SLC5A5: variants seen among roughly 807,000 people sequenced by gnomAD.
SLC5A5 encodes the protein solute carrier family 5 member 5.
Under a neutral mutation model 68.6 loss-of-function variants are expected in SLC5A5, and 56 were observed. That is an observed-to-expected ratio of 0.82 (90% CI 0.66 to 1.02). The LOEUF is 1.02. SLC5A5 is among the 50% of genes least tolerant of loss of function. The probability of loss-of-function intolerance (pLI) is 0.00; values close to 1 mark genes in which losing one functional copy is unlikely to be tolerated. For missense variants in SLC5A5, 807 were observed against 859.8 expected (o/e 0.94, Z 0.77); for synonymous variants, 398 against 373.0 (o/e 1.07, Z -0.77).
rs1422002235 is a variant in SLC5A5 at position 17,880,850 on chromosome 19, C to T, written c.970-15C>T. 35 of 1,605,310 alleles carry T rather than the reference C, an allele frequency of 2.2e-5. No homozygotes were observed. The highest frequency in any genetic ancestry group is 3.0e-5 in the Non-Finnish European group (35 of 1,172,906). On this transcript the variant is annotated splice_polypyrimidine_tract_variant and intron_variant, in intron 7 of 14. Coordinates refer to ENST00000222248, the MANE Select transcript of SLC5A5 (RefSeq NM_000453.3). The stretch of plus-strand genomic sequence containing the variant: ...GGTGCAGCTGTCTGGGAGGCTGACC[C>T]CCAGTTCTCCCCAGTACATGCCTCT...
chr19:17,874,520 C>CG lies in SLC5A5; in HGVS notation c.451dup (p.Ala151GlyfsTer41), dbSNP rs754975346. 1.2e-6 allele frequency: 2 copies of CG among 1,614,036 alleles called. No homozygotes were observed. The highest frequency in any genetic ancestry group is 1.7e-6 in the Non-Finnish European group (2 of 1,180,000). ...TGCTGTACACCGGCATCGTAATCTA[C>CG]GCACCGGCCCTCATCCTGAACCAAG... On this transcript the variant is annotated frameshift_variant, in exon 3 of 15. Coordinates refer to ENST00000222248, the MANE Select transcript of SLC5A5 (RefSeq NM_000453.3).
At chr19:17,889,000 AC>A (rs58497119) in intron 13 of SLC5A5, among the ~76,000 whole-genome samples, 3,286 of 148,678 alleles carry the variant, frequency 0.022, 115 homozygotes, top group African/African-American at 0.08. Flanking sequence ...ATACATACAC[AC>A]TTTTATGTGT....
At chr19:17,889,413 A>AAGGAAGGAAGGAAGGAAG (rs2030065089) in intron 13 of SLC5A5, among the ~76,000 whole-genome samples, 22 of 137,726 alleles carry the variant, frequency 1.6e-4, no homozygotes, top group African/African-American at 6.8e-4. Flanking sequence ...AAAGAAAGAA[A>AAGGAAGGAAGGAAGGAAG]GAAGGAAGGA....
At chr19:17,889,436 A>AGGAAGGAAGGAAGGAAGGAAGGAG (rs1414033578) in intron 13 of SLC5A5, among the ~76,000 whole-genome samples, 10 of 149,202 alleles carry the variant, frequency 6.7e-5, no homozygotes, top group African/African-American at 9.8e-5. Context: ...GAAGGAAGGA[A>AGGAAGGAAGGAAGGAAGGAAGGAG]GGAAGGAAAG....
chr19:17,885,434 C>T (rs925193662), intron 12 of SLC5A5, among the ~76,000 whole-genome samples: 8 of 151,966 alleles, frequency 5.3e-5, no homozygotes, highest in Non-Finnish European at 1.0e-4. Context: ...GGCTGGAGTG[C>T]AATGGCACAA....
chr19:17,873,765 C>CA (rs2094299947), intron 1 of SLC5A5, among the ~76,000 whole-genome samples: 5 of 152,156 alleles, frequency 3.3e-5, no homozygotes, highest in African/African-American at 1.2e-4. Flanking sequence ...CCCCTCCCCC[C>CA]CAAAAAAATC....
intron 8 of SLC5A5, 82 bp from the exon 9 acceptor site, chr19:17,881,878 G>T: frequency 9.3e-7 from 1 of 1,070,360 alleles, no homozygotes; most frequent in Non-Finnish European, 1.4e-6. Context: ...TTGCCCTCAG[G>T]CTGGGTGAGG....
intron 5 of SLC5A5, among the ~76,000 whole-genome samples, 175 bp downstream of exon 5, chr19:17,876,281 T>C (rs932688190): frequency 6.6e-6 from 1 of 151,238 alleles, no homozygotes; most frequent in African/African-American, 2.4e-5. Context: ...ATACAAAAAT[T>C]AGCTGGGCGT....
chr19:17,892,541 G>A (rs1184932783), intron 14 of SLC5A5, among the ~76,000 whole-genome samples: 2 of 151,946 alleles, frequency 1.3e-5, no homozygotes, highest in South Asian at 2.1e-4. Flanking sequence ...GAAGGCTGAG[G>A]CAGGAGAATC....
Position 17,882,927 on chromosome 19 carries a change from C to T in SLC5A5, c.1242+708C>T, listed in dbSNP as rs576832960. ...CTCGATCTCCTGACCTCGTGATCCG[C>T]CCTCCTCGGCCTCCCAAAGTGCTGG... On this transcript the variant is annotated intron_variant, in intron 10 of 14. Transcript: ENST00000222248. Among the ~76,000 whole-genome samples, 4 of 152,220 alleles carry T rather than the reference C, an allele frequency of 2.6e-5. No homozygotes were observed. In the East Asian group the frequency reaches 7.7e-4, roughly 29 times the overall value.
chr19:17,893,812 G>C lies in SLC5A5; in HGVS notation c.1867G>C (p.Ala623Pro). Residue 623 changes from alanine to proline, a missense_variant, in exon 15 of 15, where the codon GCT becomes CCT. Coordinates refer to ENST00000222248, the MANE Select transcript of SLC5A5 (RefSeq NM_000453.3). ...FFLGQKELEGAGSWTPCVGHD... is the reference protein window; with the variant it reads ...FFLGQKELEGPGSWTPCVGHD... ...CTTGGGGCAGAAGGAGCTGGAGGGG[G>C]CTGGCTCTTGGACCCCCTGTGTTGG... 6.2e-7 allele frequency: 1 copy of C among 1,604,988 alleles called. No individual in the cohort carries two copies. Among genetic ancestry groups the C allele is most frequent in the Non-Finnish European group, 8.5e-7 (1 of 1,175,012 alleles).
At chr19:17,873,026 C>T (rs2094298182) in intron 1 of SLC5A5, among the ~76,000 whole-genome samples, 1 of 152,204 alleles carries the variant, frequency 6.6e-6, no homozygotes, top group South Asian at 2.1e-4. Flanking sequence ...GAGGGGACTG[C>T]TGACGGCTCC....
Position 17,882,178 on chromosome 19 carries a change from G to A in SLC5A5, c.1201G>A (p.Val401Met), listed in dbSNP as rs766991757. The change falls in exon 10 of 15, where the codon GTG becomes ATG. Residue 401 changes from valine (V) to methionine (M), a missense_variant. Physicochemically the swap from Val to Met is conservative, Grantham distance 21. Coordinates refer to ENST00000222248, the MANE Select transcript of SLC5A5 (RefSeq NM_000453.3). The part of the protein sequence containing the change: ...SLIYGSACLT[V>M]AALSSLLGGG... ...CATCTACGGATCGGCCTGTCTCACC[G>A]TGGCAGCCCTGTCCTCACTGCTCGG... The A allele has an allele frequency of 1.7e-5, 27 of 1,614,002 alleles. No homozygotes were observed. Among genetic ancestry groups the A allele is most frequent in the South Asian group, 3.3e-5 (3 of 91,074 alleles).
At chr19:17,890,735 C>T (rs1373309613) in intron 13 of SLC5A5, 151 bp from the exon 14 acceptor site, 5 of 675,282 alleles carry the variant, frequency 7.4e-6, no homozygotes, top group Non-Finnish European at 1.3e-5. Flanking sequence ...GAAACTGAGG[C>T]TCAGAGGCTT....
At chr19:17,882,517 CTTT>C (rs745349830) in intron 10 of SLC5A5, among the ~76,000 whole-genome samples, 5 of 128,132 alleles carry the variant, frequency 3.9e-5, no homozygotes, top group Admixed American at 8.0e-5. Context: ...TTTCTTTTTT[CTTT>C]TTTTTTTTTT....
rs1404353228 is a variant in SLC5A5, at chr19:17,885,567, G to A, written c.1526+1521G>A. On this transcript the variant is annotated intron_variant, in intron 12 of 14. Coordinates refer to ENST00000222248, the MANE Select transcript of SLC5A5 (RefSeq NM_000453.3). ...CTAAATTTTTTGTATTTTTTATAGA[G>A]ACGAGTTTTTGCCATGTTGCCCAGG... Among the ~76,000 whole-genome samples the A allele has an allele frequency of 4.0e-5, 6 of 151,742 alleles. No individual in the cohort carries two copies. In the East Asian group the frequency reaches 1.2e-3, roughly 30 times the overall value.
rs2094310655 is a variant in SLC5A5 at position 17,877,711 on chromosome 19, G to C, written c.699-12G>C. ...CATCTCCACGTGGCTAACTTGCCCTGTCCCCACCCAGCTTTAACCCTGACC... is the reference window on the plus strand; with the variant it reads ...CATCTCCACGTGGCTAACTTGCCCTCTCCCCACCCAGCTTTAACCCTGACC... On this transcript the variant is annotated splice_polypyrimidine_tract_variant and intron_variant, in intron 5 of 14. Transcript: ENST00000222248. 6.2e-7 allele frequency: 1 copy of C among 1,613,958 alleles called. No homozygotes were observed. Among genetic ancestry groups the C allele is most frequent in the African/African-American group, 1.3e-5 (1 of 75,040 alleles).
Position 17,873,322 on chromosome 19 carries a change from G to A in SLC5A5, c.357+646G>A, listed in dbSNP as rs561790353. On this transcript the variant is annotated intron_variant, in intron 1 of 14. Coordinates refer to ENST00000222248, the MANE Select transcript of SLC5A5 (RefSeq NM_000453.3). ...CTAAAAATACAAAAATTAGCCGGAT[G>A]TGGTGGTGGGCACCTGTAATCCCAG... Among the ~76,000 whole-genome samples, 9 of 151,574 alleles carry A rather than the reference G, an allele frequency of 5.9e-5. No individual in the cohort carries two copies. In the East Asian group the frequency reaches 1.7e-3, roughly 29 times the overall value.
At chr19:17,886,987 G>A (rs913017239) in intron 12 of SLC5A5, among the ~76,000 whole-genome samples, 1 of 152,004 alleles carries the variant, frequency 6.6e-6, no homozygotes, top group African/African-American at 2.4e-5. Context: ...AGGCAAAGAG[G>A]ATCGCTTGAG....
Sources: allele counts gnomAD v4.1 joint callset (sites outside exome capture counted in the v4.1 genomes callset), GRCh38; gene constraint gnomAD v4.1.1; transcripts MANE v1.5; gene names NCBI Gene and HGNC (gene_info 2026-07-23, HGNC 2026-07-21).